Variants in WASF3 observed in about 807,000 individuals in gnomAD.
WASF3 encodes actin-binding protein WASF3.
A neutral mutation model predicts 46.6 loss-of-function variants in WASF3; 11 were observed. The observed-to-expected ratio is 0.24, with a 90% CI of 0.15 to 0.39. The LOEUF (loss-of-function observed/expected upper bound fraction) is 0.39, where lower values mean the gene tolerates loss of function less well. WASF3 is among the 10% of genes least tolerant of loss of function. WASF3 has a pLI of 1.00. For synonymous variants in WASF3, 242 were observed against 259.7 expected (o/e 0.93, Z 0.65); for missense variants, 576 against 669.8 (o/e 0.86, Z 1.55).
the WASF3 span, among the ~76,000 whole-genome samples, chr13:26,541,758 CAGGCA>C: frequency 6.9e-6 from 1 of 145,982 alleles, no homozygotes; most frequent in Admixed American, 6.8e-5. Flanking sequence ...CCTGGGATTA[CAGGCA>C]TGAGCCACTG....
intron 1 of WASF3, among the ~76,000 whole-genome samples, chr13:26,579,746 C>T (rs1879923218): frequency 6.6e-6 from 1 of 152,090 alleles, no homozygotes; most frequent in African/African-American, 2.4e-5. Flanking sequence ...GGAAATGGCG[C>T]TCCTGGTGTT....
At chr13:26,683,072 C>A (rs1219420998) in intron 9 of WASF3, 98 bp downstream of exon 9, 2 of 1,484,900 alleles carry the variant, frequency 1.3e-6, no homozygotes, top group Non-Finnish European at 1.8e-6. Flanking sequence ...TGACTACTCA[C>A]TACGTTTTTT....
At chr13:26,595,855 C>T (rs1011261120) in intron 1 of WASF3, among the ~76,000 whole-genome samples, 2 of 152,258 alleles carry the variant, frequency 1.3e-5, no homozygotes, top group Admixed American at 6.5e-5. Context: ...GAGCAGTTTA[C>T]AATTGTATGG....
intron 3 of WASF3, among the ~76,000 whole-genome samples, chr13:26,658,682 A>G (rs1036672643): frequency 1.3e-5 from 2 of 152,210 alleles, no homozygotes; most frequent in African/African-American, 4.8e-5. Flanking sequence ...ATAGTTGTTG[A>G]GCACTGGCTG....
At chr13:26,680,966 G>A (rs901277194) in intron 7 of WASF3, 88 bp from the exon 8 acceptor site, 3 of 1,481,884 alleles carry the variant, frequency 2.0e-6, no homozygotes, top group Middle Eastern at 1.8e-4. Context: ...TATTAGCAAT[G>A]TTATTATTCA....
the WASF3 span, among the ~76,000 whole-genome samples, chr13:26,551,619 G>A: frequency 6.6e-6 from 1 of 152,316 alleles, no homozygotes; most frequent in South Asian, 2.1e-4. Context: ...AGAGTACAGA[G>A]GCTGGTGTAG....
chr13:26,539,993 G>C, the WASF3 span, among the ~76,000 whole-genome samples: 1 of 152,182 alleles, frequency 6.6e-6, no homozygotes, highest in South Asian at 2.1e-4. Flanking sequence ...TCTGGGGGGT[G>C]TGAGAGCAGG....
At chr13:26,611,890 C>T (rs1880992827) in intron 1 of WASF3, among the ~76,000 whole-genome samples, 2 of 147,250 alleles carry the variant, frequency 1.4e-5, no homozygotes, top group African/African-American at 5.0e-5. Flanking sequence ...TATGTGAGTT[C>T]TTAGAATCTA....
chr13:26,634,832 T>A (rs1881768230), intron 2 of WASF3, among the ~76,000 whole-genome samples: 1 of 152,264 alleles, frequency 6.6e-6, no homozygotes, highest in African/African-American at 2.4e-5. Context: ...TCTTCTGGCT[T>A]GTAAGGTTTC....
chr13:26,648,316 T>C (rs556042311), intron 3 of WASF3, among the ~76,000 whole-genome samples: 1 of 152,308 alleles, frequency 6.6e-6, no homozygotes, highest in East Asian at 1.9e-4. Context: ...GGAAGTCTGT[T>C]TTCTTTTCAA....
intron 1 of WASF3, among the ~76,000 whole-genome samples, chr13:26,604,006 G>C (rs1880720281): frequency 6.6e-6 from 1 of 152,228 alleles, no homozygotes; most frequent in Non-Finnish European, 1.5e-5. Flanking sequence ...GGGTGATCTA[G>C]CTAGGTTGGT....
chr13:26,550,984 T>A, the WASF3 span, among the ~76,000 whole-genome samples: 3 of 152,226 alleles, frequency 2.0e-5, no homozygotes, highest in African/African-American at 7.2e-5. Context: ...TGTTGAATTG[T>A]AATCCCCACA....
intron 2 of WASF3, among the ~76,000 whole-genome samples, chr13:26,627,266 ATACTT>A (rs1881495536): frequency 8.4e-6 from 1 of 118,904 alleles, no homozygotes; most frequent in African/African-American, 2.7e-5. Flanking sequence ...ATCTTATACT[ATACTT>A]TTTTTTTTAT....
chr13:26,683,993 C>T (rs1313844816), intron 9 of WASF3, among the ~76,000 whole-genome samples: 2 of 152,182 alleles, frequency 1.3e-5, no homozygotes, highest in Admixed American at 6.5e-5. Flanking sequence ...TTAGTCATCT[C>T]ATCTGGAAGT....
At chr13:26,634,310 C>G (rs1247184537) in intron 2 of WASF3, among the ~76,000 whole-genome samples, 12 of 152,064 alleles carry the variant, frequency 7.9e-5, no homozygotes, top group Admixed American at 7.9e-4. Flanking sequence ...GGATTGCAAC[C>G]CCTGTTTTCT....
chr13:26,685,786 G>A lies in WASF3; in HGVS notation c.1450G>A (p.Val484Met), dbSNP rs1179470680. 1.2e-6 allele frequency: 2 copies of A among 1,614,226 alleles called. No homozygotes were observed. The highest frequency in any genetic ancestry group is 1.7e-6 in the Non-Finnish European group (2 of 1,180,042). Residue 484 changes from valine to methionine, a missense_variant, in exon 10 of 10, where the codon GTG (valine) becomes ATG (methionine). By Grantham distance (21) the Val-to-Met change is conservative. Around this residue, in one of 3 missense-constraint regions of WASF3, gnomAD observed 68 missense variants for 100.3 expected, o/e 0.68. Transcript: ENST00000335327. The stretch of plus-strand genomic sequence containing the variant: ...CACGATCCTGTCCCGGCGCATTGCC[G>A]TGGAGTACAGCGACTCTGACGACGA... ...VATILSRRIA[V>M]EYSDSDDDSE... is the part of the protein sequence containing the mutation.
chr13:26,594,372 T>C (rs1880395760), intron 1 of WASF3, among the ~76,000 whole-genome samples: 1 of 152,218 alleles, frequency 6.6e-6, no homozygotes, highest in South Asian at 2.1e-4. Context: ...TGCTCTTTGC[T>C]GTTCTGTTCC....
upstream of WASF3, among the ~76,000 whole-genome samples, chr13:26,554,080 CTTCCTTCCTTCCTTCCTTCTTTCT>C (rs1879034554): frequency 4.6e-4 from 24 of 52,498 alleles, no homozygotes; most frequent in African/African-American, 1.4e-3. Flanking sequence ...TCCTTCCTTC[CTTCCTTCCTTCCTTCCTTCTTTCT>C]TTCTTTCTTT....
the WASF3 span, among the ~76,000 whole-genome samples, chr13:26,540,298 T>C: frequency 3.2e-4 from 49 of 152,318 alleles, no homozygotes; most frequent in Non-Finnish European, 5.0e-4. Flanking sequence ...CCAGGAAGTA[T>C]AGCAGCAGCC....
Sources: allele counts gnomAD v4.1 joint callset (sites outside exome capture counted in the v4.1 genomes callset), GRCh38; gene constraint gnomAD v4.1.1; regional missense constraint gnomAD v4.1.1; transcripts MANE v1.5; gene names NCBI Gene and HGNC (gene_info 2026-07-23, HGNC 2026-07-21).